The following LRP1B variants were observed in gnomAD, a reference collection of about 807,000 sequenced individuals.
LRP1B encodes the protein low-density lipoprotein receptor-related protein 1B.
LRP1B carries 217 observed loss-of-function variants against 556.6 expected under a neutral mutation model. That is an observed-to-expected ratio of 0.39 (90% confidence interval 0.35 to 0.44). The LOEUF (loss-of-function observed/expected upper bound fraction) is 0.44. Among genes scored for constraint, LRP1B ranks in the 20% least tolerant of loss-of-function variants. LRP1B has a pLI of 1.00. For synonymous variants in LRP1B, 2,047 were observed against 1,865.8 expected, an observed-to-expected ratio of 1.10 and a Z score of -2.50; for missense variants, 5,053 against 5,620.8, an observed-to-expected ratio of 0.90 and a Z score of 3.23.
At chr2:140,564,059 G>A (rs1340587457) in intron 43 of LRP1B, among the ~76,000 whole-genome samples, 1 of 152,142 alleles carries the variant, frequency 6.6e-6, no homozygotes, top group Non-Finnish European at 1.5e-5. Context: ...TAGTAATATA[G>A]AGTTAGTGCA....
intron 1 of LRP1B, among the ~76,000 whole-genome samples, chr2:141,892,059 A>T (rs1018386753): frequency 6.6e-6 from 1 of 152,078 alleles, no homozygotes; most frequent in Non-Finnish European, 1.5e-5. Context: ...TGTGTTAAGC[A>T]TAACTATCTA....
chr2:140,483,641 T>TATATATATATATATATATATATA (rs1491178607), intron 59 of LRP1B, among the ~76,000 whole-genome samples: 1 of 52,260 alleles, frequency 1.9e-5, no homozygotes, highest in Non-Finnish European at 3.5e-5. Flanking sequence ...TATATATATA[T>TATATATATATATATATATATATA]TTTTTTTTTT....
At chr2:141,050,343 TTTTAC>T (rs1698999638) in intron 10 of LRP1B, among the ~76,000 whole-genome samples, 1 of 151,978 alleles carries the variant, frequency 6.6e-6, no homozygotes, top group South Asian at 2.1e-4. Flanking sequence ...TTTTTAAAAA[TTTTAC>T]TTTAAGTTCT....
At chr2:141,628,156 T>C (rs574872384) in intron 2 of LRP1B, among the ~76,000 whole-genome samples, 2 of 152,310 alleles carry the variant, frequency 1.3e-5, no homozygotes, top group East Asian at 3.9e-4. Flanking sequence ...AACTTGACAT[T>C]ACAGAGTAAC....
At chr2:140,967,674 G>T (rs2105324437) in intron 18 of LRP1B, among the ~76,000 whole-genome samples, 1 of 151,616 alleles carries the variant, frequency 6.6e-6, no homozygotes, top group East Asian at 2.0e-4. Context: ...TTGGCTGTGG[G>T]TTTGTCATAA....
chr2:141,879,237 A>G (rs1698874741), intron 1 of LRP1B, among the ~76,000 whole-genome samples: 1 of 151,892 alleles, frequency 6.6e-6, no homozygotes, highest in South Asian at 2.1e-4. Flanking sequence ...TGATTTTTAA[A>G]AAATGTTACA....
At chr2:140,892,754 A>C (rs921643657) in intron 23 of LRP1B, among the ~76,000 whole-genome samples, 1 of 152,178 alleles carries the variant, frequency 6.6e-6, no homozygotes, top group African/African-American at 2.4e-5. Context: ...GTTAGGGGCA[A>C]CTTGAGTGTA....
chr2:140,981,321 TTAAA>T (rs1266605267), intron 18 of LRP1B, among the ~76,000 whole-genome samples: 1 of 152,000 alleles, frequency 6.6e-6, no homozygotes, highest in Non-Finnish European at 1.5e-5. Context: ...TATAACAGTG[TTAAA>T]TTATTAAAAT....
chr2:140,335,710 A>T lies in LRP1B; in HGVS notation c.12021T>A (p.Ser4007=), dbSNP rs771849337. The T allele has an allele frequency of 1.2e-6, 2 of 1,612,286 alleles. No individual in the cohort carries two copies. The highest frequency in any genetic ancestry group is 4.5e-5 in the East Asian group (2 of 44,796). Residue 4007 remains serine (S), a synonymous_variant, in exon 78 of 91, where the codon TCT becomes TCA. Transcript: ENST00000389484. ...GGCCATTCAGCTGCCCTACGTTGAT[A>T]GAGTACCTCAGACTGGTCCAGTGAG... ...YTTHWTSLRY[S]INVGQLNGPN...
At chr2:140,689,536 A>G (rs2105395369) in intron 41 of LRP1B, among the ~76,000 whole-genome samples, 1 of 152,290 alleles carries the variant, frequency 6.6e-6, no homozygotes, top group Middle Eastern at 3.4e-3. Flanking sequence ...TCTTTTAACA[A>G]CAGAAATAAC....
intron 71 of LRP1B, among the ~76,000 whole-genome samples, chr2:140,366,645 A>G (rs1330695773): frequency 6.6e-6 from 1 of 151,782 alleles, no homozygotes; most frequent in Non-Finnish European, 1.5e-5. Flanking sequence ...GTGATGCCAG[A>G]CAATACATGG....
Position 140,364,545 on chromosome 2 carries a change from T to C in LRP1B, c.11131+116A>G, listed in dbSNP as rs930453094. On this transcript the variant is annotated intron_variant, in intron 72 of 90. Transcript: ENST00000389484. ...AAGCTGTATCTGTGGTTATACTTTATCTACCTAACCCCAGGATGGTATAAT... is the reference window on the plus strand; with the variant it reads ...AAGCTGTATCTGTGGTTATACTTTACCTACCTAACCCCAGGATGGTATAAT... The C allele has an allele frequency of 8.3e-6, 10 of 1,207,008 alleles. 1 individual carries two copies. In the African/African-American group the frequency reaches 1.1e-4, roughly 13 times the overall value. 74.8% of individuals were successfully genotyped at this position (1,207,008 alleles called of 1,614,324 possible). A position where few individuals can be genotyped will look rare whatever the true frequency, so the allele number is the denominator to read the frequency against.
chr2:140,399,733 C>G (rs992164083), intron 66 of LRP1B, among the ~76,000 whole-genome samples: 5 of 152,108 alleles, frequency 3.3e-5, no homozygotes, highest in African/African-American at 7.2e-5. Flanking sequence ...CTAAGTACCC[C>G]AATGGCAGGC....
At chr2:141,159,972 A>G (rs953669728) in intron 7 of LRP1B, among the ~76,000 whole-genome samples, 5 of 152,010 alleles carry the variant, frequency 3.3e-5, no homozygotes, top group Non-Finnish European at 7.4e-5. Context: ...GAGGGTAACA[A>G]CACACACCAG....
chr2:142,058,151 A>G (rs79503448), intron 1 of LRP1B, among the ~76,000 whole-genome samples: 20,783 of 152,156 alleles, frequency 0.14, 1,861 homozygotes, highest in South Asian at 0.2. Flanking sequence ...TTTTGTTAAG[A>G]TGTTGAAAAT....
At chr2:140,576,957 T>A (rs906824830) in intron 43 of LRP1B, among the ~76,000 whole-genome samples, 1 of 152,206 alleles carries the variant, frequency 6.6e-6, no homozygotes, top group Non-Finnish European at 1.5e-5. Flanking sequence ...TTTCTTTTAA[T>A]TAAACTGATT....
At chr2:141,942,173 G>T (rs1184538821) in intron 1 of LRP1B, among the ~76,000 whole-genome samples, 2 of 152,130 alleles carry the variant, frequency 1.3e-5, no homozygotes, top group Admixed American at 6.5e-5. Flanking sequence ...GATGAGCATT[G>T]TTCTCTCCTC....
intron 1 of LRP1B, among the ~76,000 whole-genome samples, chr2:142,035,831 A>T (rs1485214588): frequency 6.6e-6 from 1 of 151,724 alleles, no homozygotes; most frequent in Non-Finnish European, 1.5e-5. Context: ...ATCTCCCAGA[A>T]TTCCCACGTG....
At chr2:140,814,448 G>A (rs576527564) in intron 31 of LRP1B, among the ~76,000 whole-genome samples, 26 of 152,264 alleles carry the variant, frequency 1.7e-4, no homozygotes, top group African/African-American at 4.6e-4. Flanking sequence ...TAGCTAGTTA[G>A]TGGACATTCC....
Sources: allele counts gnomAD v4.1 joint callset (sites outside exome capture counted in the v4.1 genomes callset), GRCh38; gene constraint gnomAD v4.1.1; transcripts MANE v1.5; gene names NCBI Gene and HGNC (gene_info 2026-07-23, HGNC 2026-07-21).